POU2AF2: variants seen among roughly 807,000 people sequenced by gnomAD.
POU2AF2 encodes POU class 2 homeobox associating factor 2, also known as POU domain class 2-associating factor 2.
the POU2AF2 span, among the ~76,000 whole-genome samples, chr11:111,285,338 C>T: frequency 6.6e-6 from 1 of 152,150 alleles, no homozygotes; most frequent in Non-Finnish European, 1.5e-5. Context: ...AAAAAGAATC[C>T]AAGACAGAGT....
At chr11:111,284,143 C>T in the POU2AF2 span, 2 of 1,614,196 alleles carry the variant, frequency 1.2e-6, no homozygotes, top group East Asian at 4.5e-5. Flanking sequence ...ACTTCCACAA[C>T]AGTAAACAGT....
chr11:111,254,267 G>A, the POU2AF2 span, among the ~76,000 whole-genome samples: 3 of 152,180 alleles, frequency 2.0e-5, no homozygotes, highest in Admixed American at 6.5e-5. Flanking sequence ...AGTATTTCAA[G>A]CTTCTTTAAT....
At chr11:111,266,354 C>A in the POU2AF2 span, among the ~76,000 whole-genome samples, 1 of 152,166 alleles carries the variant, frequency 6.6e-6, no homozygotes, top group Non-Finnish European at 1.5e-5. Context: ...ACGTGTCCCA[C>A]CCACTGGCAC....
the POU2AF2 span, among the ~76,000 whole-genome samples, chr11:111,249,783 A>G: frequency 2.0e-5 from 3 of 152,054 alleles, no homozygotes; most frequent in Non-Finnish European, 4.4e-5. Flanking sequence ...TCCTGATGCT[A>G]CTACTCTGGT....
the POU2AF2 span, among the ~76,000 whole-genome samples, chr11:111,283,650 C>T: frequency 5.5e-4 from 83 of 152,216 alleles, no homozygotes; most frequent in Non-Finnish European, 7.4e-5. Context: ...CCAGACATAG[C>T]GATCTCAGAT....
the POU2AF2 span, among the ~76,000 whole-genome samples, chr11:111,253,952 G>C: frequency 1.3e-4 from 20 of 152,018 alleles, no homozygotes; most frequent in Admixed American, 1.2e-3. Flanking sequence ...CTCTCTCCCC[G>C]CTACAAGGAA....
At chr11:111,280,057 A>AAATATATACATAT in the POU2AF2 span, among the ~76,000 whole-genome samples, 4 of 76,498 alleles carry the variant, frequency 5.2e-5, no homozygotes, top group East Asian at 1.2e-3. Flanking sequence ...AAAAAAAAAA[A>AAATATATACATAT]ATATATATAT....
chr11:111,272,465 TGCA>T, the POU2AF2 span, among the ~76,000 whole-genome samples: 1 of 152,188 alleles, frequency 6.6e-6, no homozygotes, highest in South Asian at 2.1e-4. Context: ...AATGAAATAA[TGCA>T]TGTAAATCAT....
the POU2AF2 span, among the ~76,000 whole-genome samples, chr11:111,270,212 T>C: frequency 6.6e-6 from 1 of 152,212 alleles, no homozygotes; most frequent in Non-Finnish European, 1.5e-5. Flanking sequence ...AGAAATTAAG[T>C]TGTTGCACCA....
the POU2AF2 span, among the ~76,000 whole-genome samples, chr11:111,275,789 T>A: frequency 6.6e-6 from 1 of 152,168 alleles, no homozygotes; most frequent in East Asian, 1.9e-4. Context: ...GCTGTCAAAA[T>A]TTACCAAATA....
chr11:111,271,345 T>C, the POU2AF2 span, among the ~76,000 whole-genome samples: 1 of 152,130 alleles, frequency 6.6e-6, no homozygotes, highest in Admixed American at 6.5e-5. Context: ...GAAAGAGAGT[T>C]CTGAAGGATC....
chr11:111,286,029 C>T, the POU2AF2 span: 2 of 1,613,478 alleles, frequency 1.2e-6, no homozygotes, highest in Non-Finnish European at 8.5e-7. Context: ...GCCTGGGGGT[C>T]ATATGAATGC....
At chr11:111,261,381 C>T in the POU2AF2 span, among the ~76,000 whole-genome samples, 649 of 152,116 alleles carry the variant, frequency 4.3e-3, 7 homozygotes, top group African/African-American at 0.015. Flanking sequence ...TTTCAAATAA[C>T]ATCATAAAAT....
the POU2AF2 span, among the ~76,000 whole-genome samples, chr11:111,257,188 G>A: frequency 6.6e-6 from 1 of 152,164 alleles, no homozygotes; most frequent in Non-Finnish European, 1.5e-5. Flanking sequence ...ACCATGTCCA[G>A]TACCTAGTGC....
the POU2AF2 span, chr11:111,286,109 A>T: frequency 5.0e-6 from 8 of 1,584,982 alleles, no homozygotes; most frequent in Non-Finnish European, 6.8e-6. Flanking sequence ...TATTCCAAAG[A>T]TTGTTTTAGG....
At chr11:111,282,408 G>A in the POU2AF2 span, among the ~76,000 whole-genome samples, 3 of 152,336 alleles carry the variant, frequency 2.0e-5, no homozygotes, top group Admixed American at 6.5e-5. Context: ...GCTTTCAAAT[G>A]CATGAGCAGG....
At chr11:111,248,883 C>G in the POU2AF2 span, among the ~76,000 whole-genome samples, 1 of 152,016 alleles carries the variant, frequency 6.6e-6, no homozygotes, top group Non-Finnish European at 1.5e-5. Context: ...TTTCAGAATA[C>G]GTGTTTGATT....
At chr11:111,284,831 C>T in the POU2AF2 span, among the ~76,000 whole-genome samples, 1 of 152,162 alleles carries the variant, frequency 6.6e-6, no homozygotes, top group Admixed American at 6.5e-5. Flanking sequence ...CCTCCCCTTC[C>T]CCACATTTTT....
At chr11:111,276,453 A>AAAAT in the POU2AF2 span, among the ~76,000 whole-genome samples, 77 of 37,648 alleles carry the variant, frequency 2.0e-3, 2 homozygotes, top group African/African-American at 6.1e-3. Context: ...AAAAAAAAAA[A>AAAAT]ATATATATAT....
Sources: gnomAD v4.1 joint callset for allele counts (sites outside exome capture counted in the v4.1 genomes callset) on GRCh38, gnomAD v4.1.1 for gene constraint, MANE v1.5 for transcripts, NCBI Gene and HGNC (gene_info 2026-07-23, HGNC 2026-07-21) for gene names.